Variants in TG observed in about 807,000 individuals in gnomAD.
The protein encoded by TG is thyroglobulin.
In TG, 270 loss-of-function variants were observed where a neutral mutation model predicts 324.7. The ratio of observed to expected loss-of-function variants is 0.83; its 90% CI spans 0.75 to 0.92. The LOEUF is 0.92. Among genes scored for constraint, TG ranks in the 40% least tolerant of loss-of-function variants. The probability of loss-of-function intolerance (pLI) is 0.00; values close to 1 mark genes in which losing one functional copy is unlikely to be tolerated. For missense variants in TG, 3,591 were observed against 3,456.4 expected, an observed-to-expected ratio of 1.04 and a Z score of -0.98; for synonymous variants, 1,401 against 1,327.0, an observed-to-expected ratio of 1.06 and a Z score of -1.21.
At chr8:132,999,803 T>C (rs1564059321) in intron 35 of TG, among the ~76,000 whole-genome samples, 1 of 152,258 alleles carries the variant, frequency 6.6e-6, no homozygotes, top group African/African-American at 2.4e-5. Flanking sequence ...ATCTTCTCAG[T>C]GAGCAGAAGG....
intron 41 of TG, among the ~76,000 whole-genome samples, chr8:133,041,647 C>G (rs1348367992): frequency 6.6e-6 from 1 of 151,908 alleles, no homozygotes; most frequent in East Asian, 1.9e-4. Flanking sequence ...CTTCCTTAGA[C>G]AGGTTAATAC....
chr8:132,996,111 G>A (rs751903102), intron 35 of TG, among the ~76,000 whole-genome samples: 2 of 152,212 alleles, frequency 1.3e-5, no homozygotes, highest in Non-Finnish European at 2.9e-5. Flanking sequence ...GTCACAAGTT[G>A]TGATCTTGGC....
At chr8:133,006,028 G>C (rs1298332415) in intron 35 of TG, among the ~76,000 whole-genome samples, 1 of 152,224 alleles carries the variant, frequency 6.6e-6, no homozygotes, top group Non-Finnish European at 1.5e-5. Flanking sequence ...CAAAGGTGCT[G>C]ATGGATTAAT....
intron 35 of TG, among the ~76,000 whole-genome samples, chr8:132,987,073 A>G (rs4142713): frequency 0.58 from 87,560 of 151,466 alleles, 26,562 homozygotes; most frequent in African/African-American, 0.73. Flanking sequence ...AAAAAAAAAA[A>G]GATGGAGCAT....
At chr8:133,111,212 T>C (rs887491337) in intron 43 of TG, among the ~76,000 whole-genome samples, 3 of 152,026 alleles carry the variant, frequency 2.0e-5, no homozygotes, top group African/African-American at 7.2e-5. Flanking sequence ...AAGTTATAAC[T>C]GGGGGAACGA....
At chr8:132,976,895 T>C (rs1471429856) in intron 34 of TG, among the ~76,000 whole-genome samples, 1 of 152,180 alleles carries the variant, frequency 6.6e-6, no homozygotes, top group Non-Finnish European at 1.5e-5. Context: ...GTCTTAAGAC[T>C]TTGTGGATTA....
At chr8:133,008,066 A>G (rs1834180646) in intron 35 of TG, among the ~76,000 whole-genome samples, 1 of 152,208 alleles carries the variant, frequency 6.6e-6, no homozygotes, top group African/African-American at 2.4e-5. Flanking sequence ...AATATAATGG[A>G]ATAATATCAT....
In TG at chr8:133,019,622, G is replaced by A. The variant is rs1036560795; in HGVS notation, c.6803G>A (p.Gly2268Asp). Residue 2268 changes from glycine to aspartate, a missense_variant, in exon 39 of 48, where the codon GGC becomes GAC. Gly to Asp is a moderately conservative substitution (Grantham distance 94). Transcript: ENST00000220616. ...SKPRASCWQP[G>D]TRTSTSPGVS... is the part of the protein sequence containing the mutation. ...TGCAGGGCCAGCTGCTGGCAGCCAG[G>A]CACCAGAACATCCACGTCTCCTGGA... The A allele has an allele frequency of 6.2e-7, 1 of 1,613,720 alleles. No individual in the cohort carries two copies. The highest frequency in any genetic ancestry group is 8.5e-7 in the Non-Finnish European group (1 of 1,179,768).
At chr8:132,917,002 C>T (rs978946362) in intron 20 of TG, among the ~76,000 whole-genome samples, 2 of 125,054 alleles carry the variant, frequency 1.6e-5, no homozygotes, top group African/African-American at 2.7e-5. Context: ...TCCCTCCAAC[C>T]CTCCCTCCCT....
chr8:132,926,004 T>C (rs1391955717), intron 22 of TG, among the ~76,000 whole-genome samples: 1 of 152,248 alleles, frequency 6.6e-6, no homozygotes. Context: ...TGGCTTCTTA[T>C]GCAAAGCTCT....
In TG at chr8:132,914,860, G is replaced by C. The variant is rs577958124; in HGVS notation, c.4378+1595G>C. Among the ~76,000 whole-genome samples the C allele has an allele frequency of 7.9e-5, 12 of 152,322 alleles. No individual in the cohort carries two copies. In the South Asian group the frequency reaches 2.5e-3, roughly 32 times the overall value. ...GGTTGCAGAGAGGGAGAGTCACAGA[G>C]AGAGCACCTGCCCCATGTTCACAGA... is the stretch of plus-strand genomic sequence containing the variant. On this transcript the variant is annotated intron_variant, in intron 20 of 47. Transcript: ENST00000220616.
chr8:132,873,438 G>A (rs1271066063), intron 5 of TG, among the ~76,000 whole-genome samples: 1 of 152,178 alleles, frequency 6.6e-6, no homozygotes, highest in Admixed American at 6.5e-5. Context: ...TGTGCCCTCT[G>A]GCCAATGAAA....
intron 41 of TG, among the ~76,000 whole-genome samples, chr8:133,086,321 T>C (rs1006574790): frequency 2.6e-5 from 4 of 152,218 alleles, no homozygotes; most frequent in African/African-American, 7.2e-5. Context: ...CTAAAAACCA[T>C]TGAATTAAGT....
chr8:132,909,081 G>A (rs897521299), intron 18 of TG, among the ~76,000 whole-genome samples: 9 of 152,212 alleles, frequency 5.9e-5, no homozygotes, highest in African/African-American at 1.9e-4. Flanking sequence ...AGGATGGTGA[G>A]TTTTATTCTG....
chr8:132,933,823 G>A (rs1281082994), intron 24 of TG, 147 bp downstream of exon 24: 6 of 763,318 alleles, frequency 7.9e-6, no homozygotes, highest in East Asian at 2.6e-5. Context: ...AAAGCAATGG[G>A]ACTTTGGCAA....
At chr8:132,885,134 G>GT (rs1026130938) in intron 8 of TG, among the ~76,000 whole-genome samples, 1 of 151,004 alleles carries the variant, frequency 6.6e-6, no homozygotes, top group Non-Finnish European at 1.5e-5. Context: ...AAAGTTGGGG[G>GT]GGGGGCGTGG....
At chr8:132,993,419 C>A (rs187789176) in intron 35 of TG, among the ~76,000 whole-genome samples, 1 of 152,248 alleles carries the variant, frequency 6.6e-6, no homozygotes, top group East Asian at 1.9e-4. Flanking sequence ...AATTGTCTCA[C>A]CTGTAAAATA....
intron 44 of TG, among the ~76,000 whole-genome samples, chr8:133,114,818 G>A (rs1196494125): frequency 6.6e-6 from 1 of 152,220 alleles, no homozygotes; most frequent in African/African-American, 2.4e-5. Flanking sequence ...TGGGCTGGAA[G>A]GTGTTAGAGA....
chr8:132,875,438 G>A (rs1379495024), intron 5 of TG, among the ~76,000 whole-genome samples: 1 of 152,172 alleles, frequency 6.6e-6, no homozygotes, highest in Non-Finnish European at 1.5e-5. Context: ...AAACACAGAG[G>A]TTAAGGAACT....
Sources: allele counts gnomAD v4.1 joint callset (sites outside exome capture counted in the v4.1 genomes callset), GRCh38; gene constraint gnomAD v4.1.1; transcripts MANE v1.5; gene names NCBI Gene and HGNC (gene_info 2026-07-23, HGNC 2026-07-21).